The following PPARGC1A variants were observed in gnomAD, a reference collection of about 807,000 sequenced individuals.
PPARGC1A encodes the protein PPARG coactivator 1 alpha, also known as peroxisome proliferator-activated receptor gamma coactivator 1-alpha.
In PPARGC1A, 25 loss-of-function variants were observed where a neutral mutation model predicts 88.7. The ratio of observed to expected loss-of-function variants is 0.28; its 90% CI spans 0.21 to 0.39. The LOEUF (loss-of-function observed/expected upper bound fraction) is 0.39. Among genes scored for constraint, PPARGC1A ranks in the 10% least tolerant of loss-of-function variants. PPARGC1A has a pLI of 1.00. For missense variants in PPARGC1A, 880 were observed against 968.7 expected (o/e 0.91, Z 1.22); for synonymous variants, 363 against 355.6 (o/e 1.02, Z -0.24).
the PPARGC1A span, among the ~76,000 whole-genome samples, chr4:24,387,824 G>GAA: frequency 0.023 from 1,496 of 64,604 alleles, 87 homozygotes; most frequent in Admixed American, 0.04. Flanking sequence ...AAGAAAGAAA[G>GAA]AGAGAAAGAG....
the PPARGC1A span, among the ~76,000 whole-genome samples, chr4:24,387,946 A>AAGAAAGAAAGAAAG: frequency 8.0e-5 from 11 of 137,500 alleles, no homozygotes; most frequent in African/African-American, 2.8e-4. Flanking sequence ...GAAAGAAAGA[A>AAGAAAGAAAGAAAG]AGAAAGAAAG....
At chr4:23,987,081 C>T in the PPARGC1A span, among the ~76,000 whole-genome samples, 15 of 152,096 alleles carry the variant, frequency 9.9e-5, no homozygotes, top group Admixed American at 7.9e-4. Context: ...TTAGGGAATA[C>T]GTTGTAGATA....
the PPARGC1A span, among the ~76,000 whole-genome samples, chr4:24,151,485 AC>A: frequency 6.6e-6 from 1 of 152,192 alleles, no homozygotes; most frequent in Admixed American, 6.5e-5. Flanking sequence ...ACCTCCATTT[AC>A]CATCACACCG....
the PPARGC1A span, among the ~76,000 whole-genome samples, chr4:24,460,807 C>T: frequency 1.3e-5 from 2 of 152,166 alleles, no homozygotes; most frequent in Non-Finnish European, 2.9e-5. Context: ...CTCTCCAGCT[C>T]GAGTGGCTAA....
the PPARGC1A span, among the ~76,000 whole-genome samples, chr4:24,259,640 T>G: frequency 6.6e-6 from 1 of 152,210 alleles, no homozygotes; most frequent in Non-Finnish European, 1.5e-5. Flanking sequence ...CCTACAGGTT[T>G]GTAACCTGGG....
At chr4:24,208,483 C>T in the PPARGC1A span, among the ~76,000 whole-genome samples, 3 of 152,006 alleles carry the variant, frequency 2.0e-5, no homozygotes, top group Non-Finnish European at 2.9e-5. Context: ...GATAGTAAAA[C>T]AGACCAAAAC....
the PPARGC1A span, among the ~76,000 whole-genome samples, chr4:24,126,479 G>A: frequency 7.2e-5 from 11 of 152,306 alleles, no homozygotes; most frequent in East Asian, 1.9e-3. Context: ...CAGGAGGACT[G>A]AGTAGAAGCC....
At chr4:24,119,967 G>A in the PPARGC1A span, among the ~76,000 whole-genome samples, 1 of 152,140 alleles carries the variant, frequency 6.6e-6, no homozygotes, top group Non-Finnish European at 1.5e-5. Context: ...GAGAGATGAT[G>A]CTCTACAAGG....
chr4:23,947,735 G>A, the PPARGC1A span, among the ~76,000 whole-genome samples: 1 of 152,068 alleles, frequency 6.6e-6, no homozygotes, highest in African/African-American at 2.4e-5. Flanking sequence ...GACATCCTCA[G>A]GTTCCTGGCT....
chr4:24,186,219 G>GA, the PPARGC1A span, among the ~76,000 whole-genome samples: 2 of 152,070 alleles, frequency 1.3e-5, no homozygotes, highest in Non-Finnish European at 2.9e-5. Context: ...AGAGAGATAA[G>GA]AAACACACAA....
chr4:24,161,959 T>TACACACAC, the PPARGC1A span, among the ~76,000 whole-genome samples: 1 of 118,832 alleles, frequency 8.4e-6, no homozygotes, highest in East Asian at 2.6e-4. Context: ...GAAATTGTGA[T>TACACACAC]ATACACACAC....
chr4:23,958,020 T>C, the PPARGC1A span, among the ~76,000 whole-genome samples: 1 of 152,052 alleles, frequency 6.6e-6, no homozygotes, highest in Non-Finnish European at 1.5e-5. Context: ...TGTGTGCATT[T>C]AAATTCAGAT....
the PPARGC1A span, among the ~76,000 whole-genome samples, chr4:24,208,682 A>AAAAT: frequency 2.8e-4 from 38 of 134,980 alleles, no homozygotes; most frequent in East Asian, 1.9e-3. Flanking sequence ...TCAGAAAAAA[A>AAAAT]ATATATATAT....
chr4:24,001,861 C>G, the PPARGC1A span, among the ~76,000 whole-genome samples: 1 of 151,994 alleles, frequency 6.6e-6, no homozygotes, highest in Non-Finnish European at 1.5e-5. Context: ...GACTGTGGCA[C>G]CGAAACAGAC....
At chr4:24,094,030 T>C in the PPARGC1A span, among the ~76,000 whole-genome samples, 1 of 151,994 alleles carries the variant, frequency 6.6e-6, no homozygotes, top group Admixed American at 6.6e-5. Flanking sequence ...AGAGGGTGGG[T>C]ATTAATTCCC....
chr4:24,138,698 T>A, the PPARGC1A span, among the ~76,000 whole-genome samples: 1 of 152,166 alleles, frequency 6.6e-6, no homozygotes, highest in African/African-American at 2.4e-5. Context: ...TCTCTCCTTC[T>A]CTTCTCACAA....
chr4:23,919,280 G>T, the PPARGC1A span, among the ~76,000 whole-genome samples: 2 of 151,956 alleles, frequency 1.3e-5, no homozygotes, highest in African/African-American at 4.8e-5. Flanking sequence ...TTCTACTGTG[G>T]TCAATTGCAT....
the PPARGC1A span, among the ~76,000 whole-genome samples, chr4:24,442,274 C>G: frequency 3.3e-5 from 5 of 152,058 alleles, no homozygotes; most frequent in East Asian, 9.6e-4. Flanking sequence ...TTTCTAAAAA[C>G]TCAAAAAGAA....
At chr4:24,095,206 C>CT in the PPARGC1A span, among the ~76,000 whole-genome samples, 2 of 151,118 alleles carry the variant, frequency 1.3e-5, no homozygotes. Flanking sequence ...CAACCTGTGC[C>CT]TCCCGGGTTC....
Sources: gnomAD v4.1 joint callset for allele counts (sites outside exome capture counted in the v4.1 genomes callset) on GRCh38, gnomAD v4.1.1 for gene constraint, MANE v1.5 for transcripts, NCBI Gene and HGNC (gene_info 2026-07-23, HGNC 2026-07-21) for gene names.